Variants in ZNF385B observed in about 807,000 individuals in gnomAD.
ZNF385B encodes zinc finger protein 385B, also known as zinc finger protein 533.
Under a neutral mutation model 39.2 loss-of-function variants are expected in ZNF385B, and 23 were observed. That is an observed-to-expected ratio of 0.59 (90% CI 0.42 to 0.83). The LOEUF (loss-of-function observed/expected upper bound fraction) is 0.83, where lower values mean the gene tolerates loss of function less well. Among genes scored for constraint, ZNF385B ranks in the 40% least tolerant of loss-of-function variants. ZNF385B has a pLI of 0.00. For missense variants in ZNF385B, 552 were observed against 598.9 expected, an observed-to-expected ratio of 0.92 and a Z score of 0.82; for synonymous variants, 205 against 222.6, an observed-to-expected ratio of 0.92 and a Z score of 0.70.
chr2:179,444,967 C>G lies in ZNF385B; in HGVS notation c.1151G>C (p.Ser384Thr). The G allele has an allele frequency of 6.2e-7, 1 of 1,614,090 alleles. No individual in the cohort carries two copies. The highest frequency in any genetic ancestry group is 8.5e-7 in the Non-Finnish European group (1 of 1,179,940). The change falls in exon 9 of 10, where the codon AGC (serine) becomes ACC (threonine). Residue 384 changes from serine to threonine, a missense_variant. Transcript: ENST00000410066. The stretch of plus-strand genomic sequence containing the variant: ...TGCAACTCGATCTTTATGCCTTCGG[C>G]TAGAAATGTGCTGAAAAAGTTTGAT... ...SEIQLKQHIS[S>T]RRHKDRVAGK...
chr2:179,780,980 GGAC>G (rs1376740613), intron 1 of ZNF385B, among the ~76,000 whole-genome samples: 1 of 151,964 alleles, frequency 6.6e-6, no homozygotes, highest in Non-Finnish European at 1.5e-5. Context: ...GATTAAACTG[GGAC>G]TGCCCCAGGT....
At chr2:179,683,619 G>A (rs1014511896) in intron 3 of ZNF385B, among the ~76,000 whole-genome samples, 4 of 151,770 alleles carry the variant, frequency 2.6e-5, no homozygotes, top group African/African-American at 9.7e-5. Flanking sequence ...GGGATTACAG[G>A]TGCCTGCCAT....
At chr2:179,744,308 C>A (rs1393441668) in intron 3 of ZNF385B, among the ~76,000 whole-genome samples, 1 of 136,922 alleles carries the variant, frequency 7.3e-6, no homozygotes, top group East Asian at 2.3e-4. Context: ...CTTCCCATCT[C>A]TCCATTTTTT....
chr2:179,582,534 C>A (rs774677644), intron 3 of ZNF385B, among the ~76,000 whole-genome samples: 1 of 152,084 alleles, frequency 6.6e-6, no homozygotes, highest in South Asian at 2.1e-4. Flanking sequence ...CTCTCTTCCC[C>A]GGTATTATCC....
rs149718520 is a variant in ZNF385B at position 179,771,107 on chromosome 2, A to T, written c.-154-435T>A. Among the ~76,000 whole-genome samples the T allele has an allele frequency of 1.9e-3, 284 of 152,198 alleles. 1 individual carries two copies. The highest frequency in any genetic ancestry group is 3.4e-3 in the Admixed American group (52 of 15,290). ...AGGTGGCAGTGCTGTGCCATAAGAGATGAGGGGTTTATATGAAGGAAGGAT... is the reference window on the plus strand; with the variant it reads ...AGGTGGCAGTGCTGTGCCATAAGAGTTGAGGGGTTTATATGAAGGAAGGAT... On this transcript the variant is annotated intron_variant, in intron 1 of 9. Transcript: ENST00000410066.
rs985862876 is a variant in ZNF385B, at chr2:179,513,319, T to G, written c.552+5209A>C. Among the ~76,000 whole-genome samples the G allele has an allele frequency of 5.9e-5, 9 of 152,208 alleles. No homozygotes were observed. In the East Asian group the frequency reaches 1.7e-3, roughly 29 times the overall value. On this transcript the variant is annotated intron_variant, in intron 5 of 9. Coordinates refer to ENST00000410066, the MANE Select transcript of ZNF385B (RefSeq NM_152520.6). ...ACACTGAGAACAAGTACATGTCACA[T>G]TTGTGAATTTGCCATCCAGACTTTG...
At chr2:179,717,430 A>G (rs1157970530) in intron 3 of ZNF385B, among the ~76,000 whole-genome samples, 3 of 152,210 alleles carry the variant, frequency 2.0e-5, no homozygotes, top group Admixed American at 2.0e-4. Context: ...GGAGAGACAG[A>G]AAGAGAGAAT....
intron 3 of ZNF385B, among the ~76,000 whole-genome samples, chr2:179,664,945 T>C (rs1471921093): frequency 6.6e-6 from 1 of 152,210 alleles, no homozygotes; most frequent in Non-Finnish European, 1.5e-5. Flanking sequence ...AAAATGATAG[T>C]GGGAAGTGTT....
At chr2:179,768,198 C>T (rs769519871) in intron 3 of ZNF385B, among the ~76,000 whole-genome samples, 3 of 151,798 alleles carry the variant, frequency 2.0e-5, no homozygotes, top group Non-Finnish European at 4.4e-5. Context: ...GATCTGCCTG[C>T]CTTGGCCTCC....
At chr2:179,817,536 C>T (rs989526997) in intron 1 of ZNF385B, among the ~76,000 whole-genome samples, 1 of 152,146 alleles carries the variant, frequency 6.6e-6, no homozygotes, top group African/African-American at 2.4e-5. Flanking sequence ...AGTCACCCAC[C>T]TCTAAGTTAA....
At chr2:179,661,273 C>A (rs947487200) in intron 3 of ZNF385B, among the ~76,000 whole-genome samples, 7 of 152,188 alleles carry the variant, frequency 4.6e-5, no homozygotes, top group African/African-American at 1.7e-4. Context: ...ATGACAATTA[C>A]AAAAGAGACC....
chr2:179,762,082 T>G (rs1418919342), intron 3 of ZNF385B, among the ~76,000 whole-genome samples: 5 of 152,200 alleles, frequency 3.3e-5, no homozygotes, highest in African/African-American at 4.8e-5. Flanking sequence ...CCTCTATTCC[T>G]AGCTTGCTGA....
chr2:179,701,864 A>G (rs1699228974), intron 3 of ZNF385B, among the ~76,000 whole-genome samples: 1 of 152,202 alleles, frequency 6.6e-6, no homozygotes, highest in African/African-American at 2.4e-5. Flanking sequence ...GTACATCTCT[A>G]GCTCTTCCAC....
At chr2:179,600,804 TTTC>T (rs1297987410) in intron 3 of ZNF385B, among the ~76,000 whole-genome samples, 2 of 152,190 alleles carry the variant, frequency 1.3e-5, no homozygotes, top group Non-Finnish European at 2.9e-5. Context: ...GTTATTTACT[TTTC>T]TTCCTCCATT....
At chr2:179,643,077 C>A (rs1339148024) in intron 3 of ZNF385B, among the ~76,000 whole-genome samples, 2 of 151,506 alleles carry the variant, frequency 1.3e-5, no homozygotes, top group African/African-American at 4.8e-5. Flanking sequence ...ATTTGACAGA[C>A]ATTTTCTCAA....
At chr2:179,520,157 C>A (rs960222008) in intron 4 of ZNF385B, among the ~76,000 whole-genome samples, 4 of 151,584 alleles carry the variant, frequency 2.6e-5, no homozygotes, top group African/African-American at 7.3e-5. Context: ...CACAGCAAGA[C>A]CCTGTCTCCA....
intron 3 of ZNF385B, among the ~76,000 whole-genome samples, chr2:179,762,313 C>T (rs1362003551): frequency 6.6e-6 from 1 of 152,140 alleles, no homozygotes; most frequent in East Asian, 1.9e-4. Context: ...CCTCAGCCTC[C>T]TGAGTAGCTG....
chr2:179,603,055 C>A (rs1283695539), intron 3 of ZNF385B, among the ~76,000 whole-genome samples: 1 of 152,124 alleles, frequency 6.6e-6, no homozygotes, highest in Admixed American at 6.5e-5. Flanking sequence ...TAATTTTCTT[C>A]CTCATCGATT....
chr2:179,837,113 G>A (rs1708296462), intron 1 of ZNF385B, among the ~76,000 whole-genome samples: 1 of 152,048 alleles, frequency 6.6e-6, no homozygotes, highest in Non-Finnish European at 1.5e-5. Context: ...TAATTCCTAG[G>A]CACCTAAAAA....
Sources: gnomAD v4.1 joint callset for allele counts (sites outside exome capture counted in the v4.1 genomes callset) on GRCh38, gnomAD v4.1.1 for gene constraint, MANE v1.5 for transcripts, NCBI Gene and HGNC (gene_info 2026-07-23, HGNC 2026-07-21) for gene names.